GALNTL6: variants seen among roughly 807,000 people sequenced by gnomAD.
GALNTL6 encodes the protein polypeptide N-acetylgalactosaminyltransferase like 6.
A neutral mutation model predicts 73.7 loss-of-function variants in GALNTL6; 46 were observed. The observed-to-expected ratio is 0.62, with a 90% CI of 0.49 to 0.80. The LOEUF (loss-of-function observed/expected upper bound fraction) is 0.80. Among genes scored for constraint, GALNTL6 ranks in the 30% least tolerant of loss-of-function variants. The pLI is 0.00. For synonymous variants in GALNTL6, 259 were observed against 263.7 expected (o/e 0.98, Z 0.17); for missense variants, 604 against 755.0 (o/e 0.80, Z 2.34).
Position 172,813,701 on chromosome 4 carries a change from G to A in GALNTL6, c.901G>A (p.Ala301Thr), listed in dbSNP as rs1220760916. The A allele has an allele frequency of 1.2e-6, 2 of 1,602,100 alleles. No homozygotes were observed. The highest frequency in any genetic ancestry group is 1.3e-5 in the African/African-American group (1 of 74,744). The change falls in exon 7 of 13, where the codon GCA (alanine) becomes ACA (threonine). Residue 301 changes from alanine to threonine, a missense_variant. By Grantham distance (58) the Ala-to-Thr change is moderately conservative. This residue lies in a region of GALNTL6 where 179 missense variants were observed against 230.8 expected (regional missense o/e 0.78). Coordinates refer to ENST00000506823, the MANE Select transcript of GALNTL6 (RefSeq NM_001034845.3). ...CCCCATCCCTCCAGAGCTCCAGAGG[G>A]CAGATCCCAGCGACCCTTTTGAGTG... ...RIPIPPELQR[A>T]DPSDPFESPV... is the part of the protein sequence containing the mutation.
chr4:171,898,719 G>A (rs1003826137), intron 2 of GALNTL6, among the ~76,000 whole-genome samples: 1 of 151,990 alleles, frequency 6.6e-6, no homozygotes, highest in African/African-American at 2.4e-5. Context: ...AAATATAAAA[G>A]GTGTTGTAGG....
At chr4:171,940,747 G>C (rs1738508094) in intron 2 of GALNTL6, among the ~76,000 whole-genome samples, 1 of 151,768 alleles carries the variant, frequency 6.6e-6, no homozygotes, top group Non-Finnish European at 1.5e-5. Flanking sequence ...AAACCCGGGA[G>C]GCGGAGCTTG....
At chr4:172,806,457 A>G (rs1176550821) in intron 5 of GALNTL6, among the ~76,000 whole-genome samples, 1 of 152,222 alleles carries the variant, frequency 6.6e-6, no homozygotes, top group Non-Finnish European at 1.5e-5. Context: ...CTTATAAACC[A>G]AAGAATACAA....
chr4:171,996,723 C>CAAA (rs35734964), intron 2 of GALNTL6, among the ~76,000 whole-genome samples: 1 of 94,170 alleles, frequency 1.1e-5, no homozygotes, highest in African/African-American at 3.8e-5. Context: ...AGCTGACGAG[C>CAAA]AAAAAAAAAA....
intron 5 of GALNTL6, among the ~76,000 whole-genome samples, chr4:172,556,494 TTAAGTA>T (rs890230787): frequency 2.6e-5 from 4 of 152,072 alleles, no homozygotes; most frequent in African/African-American, 4.8e-5. Flanking sequence ...AGTAACATTT[TTAAGTA>T]TAATATGTTC....
chr4:172,827,440 A>G (rs1579534227), intron 7 of GALNTL6, among the ~76,000 whole-genome samples: 1 of 152,190 alleles, frequency 6.6e-6, no homozygotes, highest in Non-Finnish European at 1.5e-5. Context: ...TCATGTTGGC[A>G]TAGAGCATGT....
intron 5 of GALNTL6, among the ~76,000 whole-genome samples, chr4:172,447,787 G>A (rs1424163203): frequency 2.0e-5 from 3 of 152,108 alleles, no homozygotes; most frequent in African/African-American, 7.2e-5. Context: ...TACACTTCAT[G>A]TAAAGTGCAC....
chr4:172,767,866 C>T (rs1738534604), intron 5 of GALNTL6, among the ~76,000 whole-genome samples: 1 of 151,924 alleles, frequency 6.6e-6, no homozygotes, highest in Non-Finnish European at 1.5e-5. Context: ...GACGGGGTTT[C>T]ACCATGTTGA....
intron 2 of GALNTL6, among the ~76,000 whole-genome samples, chr4:172,071,857 T>C (rs1731541684): frequency 6.6e-6 from 1 of 152,198 alleles, no homozygotes; most frequent in African/African-American, 2.4e-5. Flanking sequence ...GCAGGCTAAC[T>C]AGAAGTAGGG....
intron 2 of GALNTL6, among the ~76,000 whole-genome samples, chr4:172,117,921 A>G (rs1443830775): frequency 6.6e-6 from 1 of 152,190 alleles, no homozygotes; most frequent in African/African-American, 2.4e-5. Flanking sequence ...GAATGGTGAA[A>G]ATTGACTAGA....
Position 171,905,837 on chromosome 4 carries a change from T to A in GALNTL6, c.138+91119T>A, listed in dbSNP as rs930147921. Among the ~76,000 whole-genome samples, 12 of 151,376 alleles carry A rather than the reference T, an allele frequency of 7.9e-5. No homozygotes were observed. The East Asian group carries it at 1.4e-3, about 17-fold the overall frequency. On this transcript the variant is annotated intron_variant, in intron 2 of 12. Coordinates refer to ENST00000506823, the MANE Select transcript of GALNTL6 (RefSeq NM_001034845.3). ...TCAAACTAGAACTCAGGATTAAGAA[T>A]CTCACTCAAAACCGCTCAACTACAT...
intron 8 of GALNTL6, among the ~76,000 whole-genome samples, chr4:172,928,917 A>G (rs1748190507): frequency 6.6e-6 from 1 of 152,208 alleles, no homozygotes; most frequent in Non-Finnish European, 1.5e-5. Context: ...TAAATTCTCC[A>G]TAGTATGTTA....
chr4:172,349,817 CAAATTAAA>C (rs201079589), intron 5 of GALNTL6, among the ~76,000 whole-genome samples: 5,395 of 129,484 alleles, frequency 0.042, 137 homozygotes, highest in Non-Finnish European at 0.063. Context: ...GACTTCGTCT[CAAATTAAA>C]AAAAAATATA....
chr4:171,955,386 A>C (rs12645701), intron 2 of GALNTL6, among the ~76,000 whole-genome samples: 4,502 of 150,900 alleles, frequency 0.03, 175 homozygotes, highest in African/African-American at 0.086. Flanking sequence ...ATCTATCTAT[A>C]TATATATATG....
At chr4:172,967,194 T>G (rs1254612253) in intron 10 of GALNTL6, among the ~76,000 whole-genome samples, 2 of 152,230 alleles carry the variant, frequency 1.3e-5, no homozygotes, top group Non-Finnish European at 2.9e-5. Context: ...CCTAGTTGTA[T>G]TTTGCTCAGC....
At chr4:172,905,392 CTTG>C (rs956410333) in intron 8 of GALNTL6, among the ~76,000 whole-genome samples, 1 of 152,102 alleles carries the variant, frequency 6.6e-6, no homozygotes, top group African/African-American at 2.4e-5. Flanking sequence ...CCTGAAAAAT[CTTG>C]TTATGATTTA....
At chr4:172,056,218 C>T (rs576648770) in intron 2 of GALNTL6, among the ~76,000 whole-genome samples, 1 of 152,218 alleles carries the variant, frequency 6.6e-6, no homozygotes, top group Non-Finnish European at 1.5e-5. Flanking sequence ...CATACTTGAA[C>T]TTATATTTTC....
chr4:172,364,831 G>A (rs1304560274), intron 5 of GALNTL6, among the ~76,000 whole-genome samples: 1 of 152,158 alleles, frequency 6.6e-6, no homozygotes, highest in East Asian at 1.9e-4. Flanking sequence ...TAGATAAATT[G>A]ATGGATAGAT....
chr4:173,032,542 C>CTG (rs1199970366), intron 12 of GALNTL6, among the ~76,000 whole-genome samples: 1 of 151,736 alleles, frequency 6.6e-6, no homozygotes, highest in Non-Finnish European at 1.5e-5. Context: ...CAAAAATTAG[C>CTG]TGTGTGTGGT....
Sources: allele counts gnomAD v4.1 joint callset (sites outside exome capture counted in the v4.1 genomes callset), GRCh38; gene constraint gnomAD v4.1.1; regional missense constraint gnomAD v4.1.1; transcripts MANE v1.5; gene names NCBI Gene and HGNC (gene_info 2026-07-23, HGNC 2026-07-21).